Variants in CDH17 observed in about 807,000 individuals in gnomAD.
CDH17 encodes cadherin 17, also known as cadherin-17.
CDH17 carries 67 observed loss-of-function variants against 86.3 expected under a neutral mutation model. That is an observed-to-expected ratio of 0.78 (90% CI 0.64 to 0.95). CDH17 has a LOEUF of 0.95. Among genes scored for constraint, CDH17 ranks in the 40% least tolerant of loss-of-function variants. CDH17 has a pLI of 0.00. For synonymous variants in CDH17, 367 were observed against 366.4 expected, an observed-to-expected ratio of 1.00 and a Z score of -0.02; for missense variants, 993 against 1,017.6, an observed-to-expected ratio of 0.98 and a Z score of 0.33.
intron 2 of CDH17, among the ~76,000 whole-genome samples, chr8:94,190,299 G>GC (rs1265395226): frequency 6.6e-6 from 1 of 152,238 alleles, no homozygotes; most frequent in African/African-American, 2.4e-5. Flanking sequence ...GGGTGAAACA[G>GC]CCAAGGCAAC....
At chr8:94,164,260 T>C (rs988545145) in intron 10 of CDH17, among the ~76,000 whole-genome samples, 4 of 152,164 alleles carry the variant, frequency 2.6e-5, no homozygotes, top group African/African-American at 9.7e-5. Flanking sequence ...ACCTGTTCTC[T>C]CCCTCCACTG....
At chr8:94,167,025 A>G (rs991142226) in intron 9 of CDH17, among the ~76,000 whole-genome samples, 1 of 152,180 alleles carries the variant, frequency 6.6e-6, no homozygotes, top group Non-Finnish European at 1.5e-5. Flanking sequence ...GCTAATACAC[A>G]TGGCAAATGG....
At chr8:94,168,458 T>C (rs1179432267) in intron 9 of CDH17, among the ~76,000 whole-genome samples, 1 of 151,786 alleles carries the variant, frequency 6.6e-6, no homozygotes. Flanking sequence ...CAGTATTTTA[T>C]CAAGGTTTTA....
chr8:94,212,062 C>T (rs1281265741), upstream of CDH17, among the ~76,000 whole-genome samples: 1 of 152,232 alleles, frequency 6.6e-6, no homozygotes, highest in African/African-American at 2.4e-5. Flanking sequence ...TTGTTTTAGG[C>T]TGAAGCAGAA....
rs771965639 is a variant in CDH17 at position 94,160,078 on chromosome 8, T to G, written c.1444A>C (p.Thr482Pro). ...IQATDADEPF[T>P]GSSKILYHII... The stretch of plus-strand genomic sequence containing the variant: ...TGATACAGAATTTTAGAACTCCCAG[T>G]AAATGGCTCATCAGCATCAGTGGCC... Residue 482 changes from threonine to proline, a missense_variant, in exon 12 of 18, where the codon ACT becomes CCT. Coordinates refer to ENST00000027335, the MANE Select transcript of CDH17 (RefSeq NM_004063.4). The G allele has an allele frequency of 1.2e-6, 2 of 1,613,952 alleles. No homozygotes were observed. The highest frequency in any genetic ancestry group is 2.2e-5 in the South Asian group (2 of 91,050).
intron 5 of CDH17, 150 bp from the exon 6 acceptor site, chr8:94,174,410 A>C: frequency 3.9e-6 from 3 of 759,934 alleles, no homozygotes; most frequent in East Asian, 2.8e-5. Flanking sequence ...TATTTATCCC[A>C]CTCCCCCCTT....
At chr8:94,136,565 T>C (rs981882100) in intron 15 of CDH17, among the ~76,000 whole-genome samples, 14 of 152,308 alleles carry the variant, frequency 9.2e-5, no homozygotes, top group Non-Finnish European at 2.1e-4. Context: ...GGTTTTTAGC[T>C]TCCTTGCGTT....
intron 1 of CDH17, among the ~76,000 whole-genome samples, chr8:94,197,857 GA>G (rs1813818483): frequency 6.8e-6 from 1 of 147,958 alleles, no homozygotes; most frequent in Non-Finnish European, 1.5e-5. Flanking sequence ...AAGAAAAAAA[GA>G]AAAAGTTTGT....
At chr8:94,203,621 A>C (rs754498384) in intron 1 of CDH17, among the ~76,000 whole-genome samples, 1 of 152,194 alleles carries the variant, frequency 6.6e-6, no homozygotes, top group Non-Finnish European at 1.5e-5. Flanking sequence ...CACCAATTGC[A>C]TCACTCAAGG....
intron 14 of CDH17, 43 bp downstream of exon 14, chr8:94,148,693 TTCTGATAA>T: frequency 6.9e-7 from 1 of 1,447,726 alleles, no homozygotes; most frequent in Non-Finnish European, 9.1e-7. Context: ...CCCATGTATC[TTCTGATAA>T]TCTGTGTTCC....
At chr8:94,181,400 G>A (rs949263748) in intron 3 of CDH17, among the ~76,000 whole-genome samples, 1 of 152,108 alleles carries the variant, frequency 6.6e-6, no homozygotes, top group Non-Finnish European at 1.5e-5. Flanking sequence ...GAGGTTATAT[G>A]TTAGACCATA....
At chr8:94,198,754 C>T (rs78973815) in intron 1 of CDH17, among the ~76,000 whole-genome samples, 4,343 of 152,246 alleles carry the variant, frequency 0.029, 184 homozygotes, top group African/African-American at 0.086. Flanking sequence ...GGCACAAGGC[C>T]TGGCCCAGAG....
At chr8:94,210,153 C>A (rs2339999), upstream of CDH17, among the ~76,000 whole-genome samples, 2 of 135,738 alleles carry the variant, frequency 1.5e-5, no homozygotes, top group African/African-American at 5.5e-5. Context: ...CAACCCTGTT[C>A]TGATTCAAAT....
At chr8:94,170,659 T>C in intron 8 of CDH17, 112 bp from the exon 9 acceptor site, 1 of 1,394,536 alleles carries the variant, frequency 7.2e-7, no homozygotes, top group Non-Finnish European at 9.7e-7. Context: ...TTTAATTCAC[T>C]TAGAATTGGA....
At chr8:94,161,396 T>C (rs1181125059) in intron 11 of CDH17, among the ~76,000 whole-genome samples, 1 of 152,180 alleles carries the variant, frequency 6.6e-6, no homozygotes, top group East Asian at 1.9e-4. Context: ...GCCTCATAAC[T>C]GACTTCAAAA....
At chr8:94,137,949 A>G (rs1812563842) in intron 15 of CDH17, among the ~76,000 whole-genome samples, 1 of 152,172 alleles carries the variant, frequency 6.6e-6, no homozygotes, top group South Asian at 2.1e-4. Flanking sequence ...TCTGGGTTTC[A>G]AATCTGCTGC....
chr8:94,206,426 A>C (rs9643341), intron 1 of CDH17, among the ~76,000 whole-genome samples: 8 of 152,086 alleles, frequency 5.3e-5, no homozygotes, highest in African/African-American at 1.9e-4. Flanking sequence ...TTTTATGTCA[A>C]ATCTATACAT....
At chr8:94,140,572 AG>A (rs1812618321) in intron 15 of CDH17, among the ~76,000 whole-genome samples, 1 of 152,214 alleles carries the variant, frequency 6.6e-6, no homozygotes, top group African/African-American at 2.4e-5. Context: ...GGAAGAATAA[AG>A]GAAACAATAA....
chr8:94,204,560 G>T (rs1813987311), intron 1 of CDH17, among the ~76,000 whole-genome samples: 1 of 152,102 alleles, frequency 6.6e-6, no homozygotes, highest in Non-Finnish European at 1.5e-5. Flanking sequence ...TGGGCATTTT[G>T]GTTGGCTCCA....
Sources: allele counts gnomAD v4.1 joint callset (sites outside exome capture counted in the v4.1 genomes callset), GRCh38; gene constraint gnomAD v4.1.1; transcripts MANE v1.5; gene names NCBI Gene and HGNC (gene_info 2026-07-23, HGNC 2026-07-21).